CNTNAP2: variants seen among roughly 807,000 people sequenced by gnomAD.
The protein encoded by CNTNAP2 is contactin-associated protein-like 2.
A neutral mutation model predicts 155.2 loss-of-function variants in CNTNAP2; 98 were observed. The ratio of observed to expected loss-of-function variants is 0.63; its 90% CI spans 0.54 to 0.75. The LOEUF (loss-of-function observed/expected upper bound fraction) is 0.75. Ranked by LOEUF, CNTNAP2 falls within the 30% of genes least tolerant of loss-of-function variation. The pLI, the probability that CNTNAP2 is intolerant of heterozygous loss-of-function variation, is 0.00. For missense variants in CNTNAP2, 1,727 were observed against 1,688.1 expected (o/e 1.02, Z -0.40); for synonymous variants, 651 against 631.2 (o/e 1.03, Z -0.47).
At chr7:146,320,109 C>CT (rs1800976220) in intron 1 of CNTNAP2, among the ~76,000 whole-genome samples, 1 of 151,742 alleles carries the variant, frequency 6.6e-6, no homozygotes, top group East Asian at 1.9e-4. Context: ...AAAAAAGACT[C>CT]TGAGTATAAA....
intron 8 of CNTNAP2, among the ~76,000 whole-genome samples, chr7:147,189,893 C>T (rs1327687199): frequency 4.6e-5 from 7 of 151,914 alleles, no homozygotes; most frequent in Middle Eastern, 3.2e-3. Context: ...TACAGGTGCC[C>T]GCCACCACGC....
intron 12 of CNTNAP2, among the ~76,000 whole-genome samples, chr7:147,598,930 A>T (rs1429962881): frequency 6.6e-6 from 1 of 152,072 alleles, no homozygotes; most frequent in Non-Finnish European, 1.5e-5. Context: ...TTCTGTGATG[A>T]TTATAAGTTT....
intron 12 of CNTNAP2, among the ~76,000 whole-genome samples, chr7:147,597,040 T>C (rs1434621635): frequency 6.6e-6 from 1 of 152,184 alleles, no homozygotes; most frequent in Non-Finnish European, 1.5e-5. Context: ...TCATGAATAG[T>C]CTACCCCTTG....
At chr7:147,299,124 AC>A (rs1199859203) in intron 8 of CNTNAP2, among the ~76,000 whole-genome samples, 1 of 151,904 alleles carries the variant, frequency 6.6e-6, no homozygotes, top group African/African-American at 2.4e-5. Context: ...AGCACAAAAT[AC>A]CCCCCACCCA....
At chr7:146,186,001 A>G (rs527830382) in intron 1 of CNTNAP2, among the ~76,000 whole-genome samples, 8 of 152,130 alleles carry the variant, frequency 5.3e-5, no homozygotes, top group African/African-American at 1.4e-4. Context: ...GAGGTGTTAA[A>G]ATTGTTTCTC....
chr7:147,592,618 C>T (rs73164356), intron 12 of CNTNAP2, among the ~76,000 whole-genome samples: 24,276 of 152,054 alleles, frequency 0.16, 2,513 homozygotes, highest in East Asian at 0.35. Context: ...CTTTTCTCAA[C>T]ATCTTCAAAC....
At chr7:146,504,990 A>AT (rs1417642069) in intron 1 of CNTNAP2, among the ~76,000 whole-genome samples, 17 of 152,270 alleles carry the variant, frequency 1.1e-4, no homozygotes, top group Middle Eastern at 3.4e-3. Context: ...ACACATCATG[A>AT]TACCTGTGTT....
intron 1 of CNTNAP2, among the ~76,000 whole-genome samples, chr7:146,518,331 A>C (rs1416336060): frequency 1.3e-5 from 2 of 151,940 alleles, no homozygotes; most frequent in East Asian, 3.9e-4. Flanking sequence ...ATTCAAAATT[A>C]AACTCCGAAG....
intron 4 of CNTNAP2, among the ~76,000 whole-genome samples, chr7:147,087,902 G>A (rs544169060): frequency 3.3e-5 from 5 of 152,150 alleles, no homozygotes; most frequent in African/African-American, 7.2e-5. Flanking sequence ...CCTTGAACCC[G>A]GGAGGTAGAG....
chr7:146,279,698 GA>G (rs1800219928), intron 1 of CNTNAP2, among the ~76,000 whole-genome samples: 2 of 151,768 alleles, frequency 1.3e-5, no homozygotes, highest in Non-Finnish European at 2.9e-5. Flanking sequence ...GCAAAGTACA[GA>G]AAAAATATAA....
intron 1 of CNTNAP2, among the ~76,000 whole-genome samples, chr7:146,449,282 T>G (rs1796444576): frequency 6.6e-6 from 1 of 152,280 alleles, no homozygotes; most frequent in African/African-American, 2.4e-5. Flanking sequence ...TTTAAAATCC[T>G]TGTCAGATAA....
intron 1 of CNTNAP2, among the ~76,000 whole-genome samples, chr7:146,420,553 G>A (rs1480404095): frequency 1.3e-5 from 2 of 152,002 alleles, no homozygotes; most frequent in Non-Finnish European, 2.9e-5. Flanking sequence ...AATAAACTAG[G>A]TATGGCAGTA....
chr7:147,050,386 G>A (rs1327936683), intron 4 of CNTNAP2, among the ~76,000 whole-genome samples: 1 of 152,188 alleles, frequency 6.6e-6, no homozygotes, highest in Non-Finnish European at 1.5e-5. Context: ...CCTCTTAAAA[G>A]TAAGGACGGC....
intron 8 of CNTNAP2, among the ~76,000 whole-genome samples, chr7:147,234,334 CTTTTTTTT>C (rs1225048153): frequency 9.3e-6 from 1 of 107,556 alleles, no homozygotes; most frequent in African/African-American, 3.7e-5. Context: ...CAAGAGTATT[CTTTTTTTT>C]TTTTTTTTTT....
intron 2 of CNTNAP2, among the ~76,000 whole-genome samples, chr7:146,833,357 T>C (rs574540406): frequency 4.6e-5 from 7 of 152,264 alleles, no homozygotes; most frequent in African/African-American, 1.7e-4. Context: ...CCAGTCTCTC[T>C]CTTTCTGGTC....
At chr7:146,262,507 C>T (rs1196528697) in intron 1 of CNTNAP2, among the ~76,000 whole-genome samples, 1 of 152,132 alleles carries the variant, frequency 6.6e-6, no homozygotes, top group East Asian at 1.9e-4. Flanking sequence ...TCTTCCAATG[C>T]ATATAACATT....
intron 10 of CNTNAP2, among the ~76,000 whole-genome samples, chr7:147,454,044 T>G (rs979753970): frequency 5.9e-5 from 9 of 152,134 alleles, no homozygotes; most frequent in Non-Finnish European, 1.2e-4. Flanking sequence ...ACTGAAAGCA[T>G]TTGCATTTGT....
At chr7:147,695,493 T>A (rs756621507) in intron 13 of CNTNAP2, among the ~76,000 whole-genome samples, 1 of 152,136 alleles carries the variant, frequency 6.6e-6, no homozygotes, top group African/African-American at 2.4e-5. Flanking sequence ...TTCTATCAAT[T>A]TTTGCTTTAA....
chr7:147,556,673 A>G (rs1023829644), intron 11 of CNTNAP2, among the ~76,000 whole-genome samples: 2 of 152,172 alleles, frequency 1.3e-5, no homozygotes, highest in Non-Finnish European at 2.9e-5. Flanking sequence ...AAAGGCAAGT[A>G]TATAGATTTC....
Sources: gnomAD v4.1 joint callset for allele counts (sites outside exome capture counted in the v4.1 genomes callset) on GRCh38, gnomAD v4.1.1 for gene constraint, MANE v1.5 for transcripts, NCBI Gene and HGNC (gene_info 2026-07-23, HGNC 2026-07-21) for gene names.